Variants in ZNF367 observed in about 807,000 individuals in gnomAD.
ZNF367 encodes zinc finger protein 367, also known as C2H2 zinc finger protein ZFF29.
In ZNF367, 11 loss-of-function variants were observed where a neutral mutation model predicts 31.8. The ratio of observed to expected loss-of-function variants is 0.35; its 90% CI spans 0.22 to 0.57. The LOEUF is 0.57. Among genes scored for constraint, ZNF367 ranks in the 20% least tolerant of loss-of-function variants. The pLI is 0.85. For synonymous variants in ZNF367, 199 were observed against 202.4 expected (o/e 0.98, Z 0.14); for missense variants, 353 against 484.1 (o/e 0.73, Z 2.54).
Position 96,407,551 on chromosome 9 carries a change from T to A in ZNF367, c.421-9237A>T, listed in dbSNP as rs956527461. On this transcript the variant is annotated intron_variant, in intron 1 of 4. Transcript: ENST00000375256. ...GACTCCACAGGGAGCAGTACCTGCC[T>A]ATCTGCTGGACAGAGAGGGACAATC... 3.7e-6 allele frequency: 5 copies of A among 1,353,470 alleles called. No homozygotes were observed. The Admixed American group carries it at 8.4e-5, about 23-fold the overall frequency. The allele number at this position is 1,353,470 out of a possible 1,614,324, so 83.8% of individuals were successfully genotyped here.
chr9:96,409,950 TAAGA>T (rs1374054366), intron 1 of ZNF367, among the ~76,000 whole-genome samples: 1 of 152,176 alleles, frequency 6.6e-6, no homozygotes, highest in Non-Finnish European at 1.5e-5. Context: ...CTGATTCTGT[TAAGA>T]AAGAAACAGA....
intron 2 of ZNF367, 81 bp from the exon 3 acceptor site, chr9:96,395,023 T>TATA: frequency 6.6e-7 from 1 of 1,509,098 alleles, no homozygotes; most frequent in Non-Finnish European, 9.1e-7. Flanking sequence ...TCAGCCTTTA[T>TATA]ATAGGTCATG....
At chr9:96,398,428 C>T (rs999943166) in intron 1 of ZNF367, 114 bp from the exon 2 acceptor site, 1 of 864,406 alleles carries the variant, frequency 1.2e-6, no homozygotes, top group Non-Finnish European at 1.7e-6. Flanking sequence ...CAGCGGCACA[C>T]ACTTATAGTC....
chr9:96,402,285 A>G (rs1365964332), intron 1 of ZNF367, among the ~76,000 whole-genome samples: 1 of 152,016 alleles, frequency 6.6e-6, no homozygotes, highest in African/African-American at 2.4e-5. Flanking sequence ...ACAAAAGAAA[A>G]GAAGAAAGAA....
In ZNF367 at chr9:96,386,723, A is replaced by T. The variant is rs2131067880; in HGVS notation, c.*1514T>A. 1 of 152,252 alleles carries T rather than the reference A, an allele frequency of 6.6e-6. No homozygotes were observed. The highest frequency in any genetic ancestry group is 6.5e-5 in the Admixed American group (1 of 15,294). The allele number at this position is 152,252 out of a possible 1,614,324, so 9.4% of individuals were successfully genotyped here. A position where few individuals can be genotyped will look rare whatever the true frequency, so the allele number is the denominator to read the frequency against. ...TCATACTTTTTCTCCTCTTCAAGAC[A>T]TTTACATGCCTCCCCTTCCCCGTGG... is the stretch of plus-strand genomic sequence containing the variant. On this transcript the variant is annotated 3_prime_UTR_variant, in exon 5 of 5. Transcript: ENST00000375256.
rs1831854535 is a variant in ZNF367 at position 96,417,843 on chromosome 9, T to C, written c.190A>G (p.Ser64Gly). 1 of 1,495,724 alleles carries C rather than the reference T, an allele frequency of 6.7e-7. No individual in the cohort carries two copies. The highest frequency in any genetic ancestry group is 8.8e-7 in the Non-Finnish European group (1 of 1,131,154). The allele number at this position is 1,495,724 out of a possible 1,614,324, so 92.7% of individuals were successfully genotyped here. ...PPLIPTSPGF[S>G]DFMVYPWRWG... The stretch of plus-strand genomic sequence containing the variant: ...CGCCACGGGTACACCATGAAGTCGC[T>C]GAAGCCGGGGCTGGTGGGGATGAGC... The change falls in exon 1 of 5, where the codon AGC becomes GGC. Residue 64 changes from serine to glycine, a missense_variant. Ser to Gly is a moderately conservative substitution (Grantham distance 56). Around this residue, in one of 5 missense-constraint regions of ZNF367, gnomAD observed 31 missense variants for 58.4 expected, o/e 0.53. Coordinates refer to ENST00000375256, the MANE Select transcript of ZNF367 (RefSeq NM_153695.4). This position sits in a 1 kb window ranked among gnomAD's most constrained non-coding sequence, Gnocchi z 5.0.
intron 1 of ZNF367, chr9:96,407,159 TTAAA>T (rs1831681019): frequency 9.6e-6 from 6 of 627,710 alleles, no homozygotes; most frequent in Middle Eastern, 4.4e-4. Flanking sequence ...ATCTCTATTA[TTAAA>T]TAAATAAATA....
intron 1 of ZNF367, chr9:96,407,221 C>A (rs1831681828): frequency 8.6e-6 from 7 of 817,392 alleles, no homozygotes; most frequent in Middle Eastern, 7.3e-4. Flanking sequence ...GTCTTTGAGA[C>A]CCGAAAATTG....
At chr9:96,398,087 CAAAAAAAAAAAAAAAAAAAAAA>C (rs374810647) in intron 2 of ZNF367, 55 bp downstream of exon 2, 37 of 375,480 alleles carry the variant, frequency 9.9e-5, no homozygotes, top group Non-Finnish European at 1.3e-4. Flanking sequence ...GAGACTATCT[CAAAAAAAAAAAAAAAAAAAAAA>C]AAAAAAAAAA....
intron 1 of ZNF367, among the ~76,000 whole-genome samples, chr9:96,414,062 C>G (rs1831785663): frequency 1.3e-5 from 2 of 152,288 alleles, no homozygotes; most frequent in South Asian, 4.1e-4. Context: ...TTTAAAGAAG[C>G]AAAACAGTAA....
chr9:96,386,545 TACC>T lies in ZNF367; in HGVS notation c.*1689_*1691del, dbSNP rs980919020. 2.0e-5 allele frequency: 3 copies of T among 152,156 alleles called. No individual in the cohort carries two copies. Among genetic ancestry groups the T allele is most frequent in the African/African-American group, 4.8e-5 (2 of 41,468 alleles). 9.4% of individuals were successfully genotyped at this position (152,156 alleles called of 1,614,324 possible). A position where few individuals can be genotyped will look rare whatever the true frequency, so the allele number is the denominator to read the frequency against. On this transcript the variant is annotated 3_prime_UTR_variant, in exon 5 of 5. Transcript: ENST00000375256. ...AAGTGCTCCAAATTAAAATTCTATA[TACC>T]ACATTACAAAAAAATTCTTAGACCA...
intron 1 of ZNF367, among the ~76,000 whole-genome samples, chr9:96,415,011 T>C (rs931730239): frequency 6.6e-6 from 1 of 152,080 alleles, no homozygotes; most frequent in Non-Finnish European, 1.5e-5. Flanking sequence ...AGACTAAAAC[T>C]TATAAATGGT....
At chr9:96,388,535 C>T (rs939979165) in intron 4 of ZNF367, 76 bp from the exon 5 acceptor site, 1 of 1,281,904 alleles carries the variant, frequency 7.8e-7, no homozygotes, top group South Asian at 1.4e-5. Flanking sequence ...TTAAAAAGTT[C>T]CATACCACAA....
intron 2 of ZNF367, among the ~76,000 whole-genome samples, chr9:96,397,294 C>G (rs971869730): frequency 6.6e-6 from 1 of 150,520 alleles, no homozygotes; most frequent in Non-Finnish European, 1.5e-5. Flanking sequence ...AACTTTATAG[C>G]GAGAACAAGG....
chr9:96,400,690 C>G (rs1831592353), intron 1 of ZNF367, among the ~76,000 whole-genome samples: 2 of 152,192 alleles, frequency 1.3e-5, no homozygotes, highest in Admixed American at 6.6e-5. Context: ...TCAACAGAGT[C>G]TAAGATGCCT....
At chr9:96,398,421 C>T (rs865872716) in intron 1 of ZNF367, 107 bp from the exon 2 acceptor site, 60 of 983,330 alleles carry the variant, frequency 6.1e-5, no homozygotes, top group African/African-American at 3.4e-4. Flanking sequence ...CTGGGCGCAG[C>T]GGCACACACT....
chr9:96,389,427 T>C (rs906957181), intron 4 of ZNF367, among the ~76,000 whole-genome samples: 2 of 151,848 alleles, frequency 1.3e-5, no homozygotes, highest in African/African-American at 4.8e-5. Flanking sequence ...ATAACCCAAA[T>C]GCCCATCGAG....
In ZNF367 at chr9:96,398,153, G is replaced by C; in HGVS notation, c.571+11C>G. On this transcript the variant is annotated intron_variant, in intron 2 of 4. Transcript: ENST00000375256. ...ACTTCTGGCAGTCTCTATAAAATTT[G>C]CTCAACTTACCTGTATGAGTCCTTT... 1 of 1,158,902 alleles carries C rather than the reference G, an allele frequency of 8.6e-7. No individual in the cohort carries two copies. Among genetic ancestry groups the C allele is most frequent in the Non-Finnish European group, 1.2e-6 (1 of 847,366 alleles). The allele number at this position is 1,158,902 out of a possible 1,614,324, so 71.8% of individuals were successfully genotyped here. A position where few individuals can be genotyped will look rare whatever the true frequency, so the allele number is the denominator to read the frequency against.
At position 96,417,051 on chromosome 9, in the gene ZNF367, C is replaced by A. The variant is rs894928286; in HGVS notation, c.420+562G>T. Among the ~76,000 whole-genome samples, 5 of 152,198 alleles carry A rather than the reference C, an allele frequency of 3.3e-5. No homozygotes were observed. The highest frequency in any genetic ancestry group is 1.2e-4 in the African/African-American group (5 of 41,462). On this transcript the variant is annotated intron_variant, in intron 1 of 4. Transcript: ENST00000375256. This position sits in a 1 kb window ranked among gnomAD's most constrained non-coding sequence, Gnocchi z 5.0. ...AGTCGGAGACTGCAAGCAATTTTAG[C>A]GTCCCATTCCACTATGTGCTCTCAA...
Sources: gnomAD v4.1 joint callset for allele counts (sites outside exome capture counted in the v4.1 genomes callset) on GRCh38, gnomAD v4.1.1 for gene constraint, gnomAD v4.1.1 regional missense constraint, Gnocchi (gnomAD v3.1) non-coding constraint, MANE v1.5 for transcripts, NCBI Gene and HGNC (gene_info 2026-07-23, HGNC 2026-07-21) for gene names.